Variants in ADAMTSL1 observed in about 807,000 individuals in gnomAD.
The protein encoded by ADAMTSL1 is ADAMTS like 1, also known as ADAMTS-like protein 1.
ADAMTSL1 carries 126 observed loss-of-function variants against 201.8 expected under a neutral mutation model. That is an observed-to-expected ratio of 0.62 (90% CI 0.54 to 0.72). ADAMTSL1 has a LOEUF of 0.72. ADAMTSL1 is among the 30% of genes least tolerant of loss of function. ADAMTSL1 has a pLI of 0.00. For synonymous variants in ADAMTSL1, 1,121 were observed against 903.4 expected, an observed-to-expected ratio of 1.24 and a Z score of -4.32; for missense variants, 2,679 against 2,277.8, an observed-to-expected ratio of 1.18 and a Z score of -3.59.
chr9:18,778,765 G>A (rs1215244666), intron 19 of ADAMTSL1, among the ~76,000 whole-genome samples: 1 of 152,152 alleles, frequency 6.6e-6, no homozygotes, highest in African/African-American at 2.4e-5. Flanking sequence ...TATAGAACAG[G>A]AAATACATAA....
chr9:18,208,858 C>T lies in ADAMTSL1; in HGVS notation c.207+44877C>T, dbSNP rs929065075. Among the ~76,000 whole-genome samples the T allele has an allele frequency of 5.3e-5, 8 of 152,188 alleles. No homozygotes were observed. In the South Asian group the frequency reaches 1.7e-3, roughly 32 times the overall value. ...TTAATGTTTAACTTTACCTATGCCT[C>T]TTTCTGGTTCTGTGGCCACAAACCA... On this transcript the variant is annotated intron_variant, in intron 2 of 29. Coordinates refer to the ADAMTSL1 transcript ENST00000680146.
intron 8 of ADAMTSL1, 117 bp from the exon 9 acceptor site, chr9:18,661,818 G>A: frequency 4.5e-6 from 5 of 1,106,198 alleles, no homozygotes; most frequent in Non-Finnish European, 6.2e-6. Context: ...TTTTTTCCTG[G>A]AAATGACTAA....
At chr9:18,155,967 A>T (rs1264761678) in intron 1 of ADAMTSL1, among the ~76,000 whole-genome samples, 1 of 152,092 alleles carries the variant, frequency 6.6e-6, no homozygotes, top group Non-Finnish European at 1.5e-5. Flanking sequence ...GCAGTGCATC[A>T]GACGGAATGC....
intron 13 of ADAMTSL1, among the ~76,000 whole-genome samples, chr9:18,690,851 C>G (rs1169330230): frequency 1.3e-5 from 2 of 152,190 alleles, no homozygotes; most frequent in African/African-American, 4.8e-5. Flanking sequence ...ATTCCATATT[C>G]TAGATGACTT....
At chr9:18,841,665 C>T (rs1825722850) in intron 23 of ADAMTSL1, among the ~76,000 whole-genome samples, 2 of 152,266 alleles carry the variant, frequency 1.3e-5, no homozygotes, top group African/African-American at 2.4e-5. Context: ...TCCATCTGAT[C>T]CTGGACTGTT....
intron 2 of ADAMTSL1, among the ~76,000 whole-genome samples, chr9:18,167,531 A>T (rs1022580252): frequency 9.9e-5 from 15 of 151,910 alleles, no homozygotes; most frequent in African/African-American, 3.4e-4. Context: ...CAACTGAAAT[A>T]AAAAAATGCA....
chr9:18,306,809 A>G (rs577745713), intron 2 of ADAMTSL1, among the ~76,000 whole-genome samples: 57 of 152,318 alleles, frequency 3.7e-4, no homozygotes, highest in African/African-American at 1.4e-3. Flanking sequence ...ACCTAGCAAG[A>G]CAGGCCAACA....
At chr9:18,906,146 G>T (rs946633703) in intron 27 of ADAMTSL1, among the ~76,000 whole-genome samples, 1 of 152,174 alleles carries the variant, frequency 6.6e-6, no homozygotes, top group African/African-American at 2.4e-5. Flanking sequence ...TCTTCTGAGA[G>T]AGGCCTCATA....
intron 1 of ADAMTSL1, among the ~76,000 whole-genome samples, chr9:18,480,600 G>A (rs1821674842): frequency 6.6e-6 from 1 of 152,158 alleles, no homozygotes; most frequent in African/African-American, 2.4e-5. Flanking sequence ...GGTGTTGTTT[G>A]TTATGCTGAA....
intron 23 of ADAMTSL1, among the ~76,000 whole-genome samples, chr9:18,882,692 C>T (rs1273011344): frequency 6.6e-6 from 1 of 152,048 alleles, no homozygotes; most frequent in Non-Finnish European, 1.5e-5. Flanking sequence ...CTCCTGAGTA[C>T]CTTGAATAAG....
chr9:18,446,449 T>C (rs72686902), intron 2 of ADAMTSL1, among the ~76,000 whole-genome samples: 6 of 152,374 alleles, frequency 3.9e-5, no homozygotes, highest in Non-Finnish European at 8.8e-5. Context: ...ATGGGTTTTA[T>C]TGATTTTAAA....
chr9:18,829,759 C>G, intron 22 of ADAMTSL1, 84 bp from the exon 23 acceptor site: 1 of 1,528,280 alleles, frequency 6.5e-7, no homozygotes, highest in Non-Finnish European at 9.0e-7. Context: ...TACATGTGCA[C>G]ACACATGCAT....
At chr9:18,258,465 G>C (rs536418375) in intron 2 of ADAMTSL1, among the ~76,000 whole-genome samples, 29 of 152,264 alleles carry the variant, frequency 1.9e-4, no homozygotes, top group African/African-American at 5.8e-4. Context: ...AGCCTGCCAG[G>C]GCCTCCTTGT....
intron 1 of ADAMTSL1, among the ~76,000 whole-genome samples, chr9:18,013,412 T>C (rs1443024666): frequency 6.6e-6 from 1 of 152,040 alleles, no homozygotes; most frequent in African/African-American, 2.4e-5. Flanking sequence ...TCTGTATGCA[T>C]ACAGCATGAG....
chr9:18,778,397 G>C (rs975024826), intron 19 of ADAMTSL1, among the ~76,000 whole-genome samples: 3 of 152,174 alleles, frequency 2.0e-5, no homozygotes, highest in African/African-American at 7.2e-5. Flanking sequence ...GCTGGACAAG[G>C]CTGTTTGTTC....
chr9:18,523,366 A>G (rs1818823656), intron 2 of ADAMTSL1, among the ~76,000 whole-genome samples: 2 of 152,096 alleles, frequency 1.3e-5, no homozygotes, highest in Non-Finnish European at 2.9e-5. Flanking sequence ...AGTAGGTTGC[A>G]AAAATTTTCT....
At chr9:18,757,693 G>A (rs1819852723) in intron 16 of ADAMTSL1, among the ~76,000 whole-genome samples, 1 of 152,060 alleles carries the variant, frequency 6.6e-6, no homozygotes, top group South Asian at 2.1e-4. Context: ...AAGCCACATG[G>A]TGTTCAGGGG....
intron 1 of ADAMTSL1, among the ~76,000 whole-genome samples, chr9:17,914,876 T>C (rs367859086): frequency 4.6e-5 from 7 of 152,112 alleles, no homozygotes; most frequent in Non-Finnish European, 7.4e-5. Context: ...TATACACCAA[T>C]AACAGACAAA....
Position 18,173,445 on chromosome 9 carries a change from C to CT in ADAMTSL1, c.207+9471dup, listed in dbSNP as rs754481807. 2.6e-5 allele frequency among the ~76,000 whole-genome samples: 4 copies of CT among 152,064 alleles called. No individual in the cohort carries two copies. In the East Asian group the frequency reaches 7.7e-4, roughly 29 times the overall value. On this transcript the variant is annotated intron_variant, in intron 2 of 29. Coordinates refer to the ADAMTSL1 transcript ENST00000680146. ...ATCTCAGTACTGAAGGAGAGGGACT[C>CT]TTTTTTTACACTTGACCTTTGGAAT...
Sources: allele counts gnomAD v4.1 joint callset (sites outside exome capture counted in the v4.1 genomes callset), GRCh38; gene constraint gnomAD v4.1.1; transcripts MANE v1.5; gene names NCBI Gene and HGNC (gene_info 2026-07-23, HGNC 2026-07-21).